The following TMC1 variants were observed in gnomAD, a reference collection of about 807,000 sequenced individuals.
TMC1 encodes the protein transmembrane channel-like protein 1.
TMC1 carries 84 observed loss-of-function variants against 105.8 expected under a neutral mutation model. The observed-to-expected ratio is 0.79, with a 90% CI of 0.67 to 0.95. TMC1 has a LOEUF of 0.95. Ranked by LOEUF, TMC1 falls within the 40% of genes least tolerant of loss-of-function variation. The probability of loss-of-function intolerance (pLI) is 0.00; values close to 1 mark genes in which losing one functional copy is unlikely to be tolerated. For synonymous variants in TMC1, 315 were observed against 311.5 expected (o/e 1.01, Z -0.12); for missense variants, 817 against 914.1 (o/e 0.89, Z 1.37).
At chr9:72,595,704 T>A (rs1824706999) in intron 2 of TMC1, among the ~76,000 whole-genome samples, 1 of 148,170 alleles carries the variant, frequency 6.7e-6, no homozygotes, top group South Asian at 2.2e-4. Flanking sequence ...TTAGACTGAA[T>A]CTTGCTCTGT....
chr9:72,807,922 T>C (rs1828631445), intron 18 of TMC1, among the ~76,000 whole-genome samples: 1 of 152,142 alleles, frequency 6.6e-6, no homozygotes, highest in Non-Finnish European at 1.5e-5. Flanking sequence ...CCAGCTTTCC[T>C]TCTATGGTCA....
intron 17 of TMC1, among the ~76,000 whole-genome samples, chr9:72,802,507 A>T (rs1828493227): frequency 6.6e-6 from 1 of 152,230 alleles, no homozygotes; most frequent in Non-Finnish European, 1.5e-5. Context: ...CAGAACAATT[A>T]GATTAGAAAT....
chr9:72,569,044 C>T (rs373679527), intron 1 of TMC1, among the ~76,000 whole-genome samples: 1 of 152,154 alleles, frequency 6.6e-6, no homozygotes, highest in Admixed American at 6.6e-5. Context: ...TAAATACAGT[C>T]ATCCCTTGGT....
chr9:72,802,472 T>C (rs755170788), intron 17 of TMC1, among the ~76,000 whole-genome samples: 2 of 152,120 alleles, frequency 1.3e-5, no homozygotes, highest in South Asian at 4.1e-4. Context: ...ATAACTGAAA[T>C]CATAACAAAC....
intron 3 of TMC1, among the ~76,000 whole-genome samples, chr9:72,627,241 A>C (rs1825363425): frequency 6.6e-6 from 1 of 152,298 alleles, no homozygotes; most frequent in East Asian, 1.9e-4. Context: ...TCCTTCTGCC[A>C]GAGCGGTCTG....
chr9:72,802,475 T>C (rs527710974), intron 17 of TMC1, among the ~76,000 whole-genome samples: 3 of 152,244 alleles, frequency 2.0e-5, no homozygotes, highest in South Asian at 4.1e-4. Context: ...ACTGAAATCA[T>C]AACAAACAGT....
intron 1 of TMC1, among the ~76,000 whole-genome samples, chr9:72,544,496 T>TTTG (rs1823731710): frequency 6.7e-6 from 1 of 149,982 alleles, no homozygotes; most frequent in Non-Finnish European, 1.5e-5. Flanking sequence ...TTTTTTTTTT[T>TTTG]GTGAGAAAGT....
chr9:72,640,650 T>G (rs79878457), intron 4 of TMC1, among the ~76,000 whole-genome samples: 93 of 148,326 alleles, frequency 6.3e-4, no homozygotes, highest in Non-Finnish European at 9.6e-4. Context: ...TTTTTTTTTT[T>G]GAGACGGAGT....
At chr9:72,543,069 G>A (rs944782371) in intron 1 of TMC1, among the ~76,000 whole-genome samples, 1 of 152,060 alleles carries the variant, frequency 6.6e-6, no homozygotes, top group African/African-American at 2.4e-5. Context: ...AAAAAAGAAG[G>A]TGTCATGTTA....
chr9:72,552,554 ACT>A (rs1210002197), intron 1 of TMC1, among the ~76,000 whole-genome samples: 2 of 152,130 alleles, frequency 1.3e-5, no homozygotes, highest in African/African-American at 4.8e-5. Flanking sequence ...TTGTCAGGAC[ACT>A]CTGGTTACAG....
chr9:72,700,610 C>T lies in TMC1; in HGVS notation c.329C>T (p.Pro110Leu). Residue 110 changes from proline to leucine, a missense_variant, in exon 8 of 24, where the codon CCA becomes CTA. Pro to Leu is a moderately conservative substitution (Grantham distance 98). Transcript: ENST00000297784. Reference sequence around the variant, plus strand: ...ATAATTGCTACTGTCAAATGCAAACCATGGAAGATGGAGAAGAAAATTGAA... The same window carrying T: ...ATAATTGCTACTGTCAAATGCAAACTATGGAAGATGGAGAAGAAAATTGAA... ...RQIIATVKCK[P>L]WKMEKKIEVL... 6.2e-7 allele frequency: 1 copy of T among 1,606,380 alleles called. No homozygotes were observed. The highest frequency in any genetic ancestry group is 8.5e-7 in the Non-Finnish European group (1 of 1,175,452).
intron 13 of TMC1, among the ~76,000 whole-genome samples, chr9:72,773,481 T>G (rs1452581139): frequency 6.6e-6 from 1 of 152,154 alleles, no homozygotes; most frequent in African/African-American, 2.4e-5. Flanking sequence ...CAGAGAAAAC[T>G]GCCATATTTC....
intron 3 of TMC1, among the ~76,000 whole-genome samples, chr9:72,626,505 CT>C (rs1207468752): frequency 6.6e-6 from 1 of 152,044 alleles, no homozygotes; most frequent in Non-Finnish European, 1.5e-5. Flanking sequence ...AGTAACAACA[CT>C]GAAGAGAGCA....
rs1250257217 is a variant in TMC1 at position 72,816,182 on chromosome 9, G to A, written c.1735G>A (p.Ala579Thr). 8 of 1,613,342 alleles carry A rather than the reference G, an allele frequency of 5.0e-6. No homozygotes were observed. Among genetic ancestry groups the A allele is most frequent in the African/African-American group, 1.3e-5 (1 of 74,854 alleles). The change falls in exon 19 of 24, where the codon GCT (alanine) becomes ACT (threonine). Residue 579 changes from alanine to threonine, a missense_variant. Coordinates refer to ENST00000297784, the MANE Select transcript of TMC1 (RefSeq NM_138691.3). ...ATTCGACATCAGTGGCAACGTCCTC[G>A]CTCTGATCTTCAACCAAGGCATGAT... ...TEFDISGNVLALIFNQGMIWM... is the reference protein window; with the variant it reads ...TEFDISGNVLTLIFNQGMIWM...
At position 72,685,192 on chromosome 9, in the gene TMC1, C is replaced by T. The variant is rs573429415; in HGVS notation, c.17-3517C>T. 2.5e-4 allele frequency among the ~76,000 whole-genome samples: 37 copies of T among 147,850 alleles called. No individual in the cohort carries two copies. In the South Asian group the frequency reaches 4.3e-3, roughly 17 times the overall value. ...CGCTATCTCAGCTCACTGCAAGCTC[C>T]GCCTCCCGGGTTCATACCATTCTCC... On this transcript the variant is annotated intron_variant, in intron 5 of 23. Transcript: ENST00000297784.
At chr9:72,551,020 A>G (rs566605861) in intron 1 of TMC1, among the ~76,000 whole-genome samples, 7 of 152,332 alleles carry the variant, frequency 4.6e-5, no homozygotes, top group Non-Finnish European at 7.3e-5. Flanking sequence ...ATTGTTTCCT[A>G]TAAATTCTGT....
intron 3 of TMC1, among the ~76,000 whole-genome samples, chr9:72,626,292 C>T (rs1385536286): frequency 6.6e-6 from 1 of 152,104 alleles, no homozygotes; most frequent in Non-Finnish European, 1.5e-5. Context: ...GTTTTTCCTA[C>T]AGTAATGTCA....
At chr9:72,727,113 T>C (rs1453848325) in intron 8 of TMC1, among the ~76,000 whole-genome samples, 1 of 152,206 alleles carries the variant, frequency 6.6e-6, no homozygotes, top group Non-Finnish European at 1.5e-5. Context: ...GTCTCCTTTG[T>C]TAGATAAATT....
At chr9:72,600,925 T>C (rs1003733817) in intron 2 of TMC1, among the ~76,000 whole-genome samples, 1 of 152,176 alleles carries the variant, frequency 6.6e-6, no homozygotes, top group African/African-American at 2.4e-5. Flanking sequence ...CAGGGGATGC[T>C]GAGGCTGCTG....
Sources: allele counts gnomAD v4.1 joint callset (sites outside exome capture counted in the v4.1 genomes callset), GRCh38; gene constraint gnomAD v4.1.1; transcripts MANE v1.5; gene names NCBI Gene and HGNC (gene_info 2026-07-23, HGNC 2026-07-21).